The following FMNL2 variants were observed in gnomAD, a reference collection of about 807,000 sequenced individuals.
The protein encoded by FMNL2 is formin like 2.
A neutral mutation model predicts 130.2 loss-of-function variants in FMNL2; 51 were observed. The ratio of observed to expected loss-of-function variants is 0.39; its 90% CI spans 0.31 to 0.49. The LOEUF (loss-of-function observed/expected upper bound fraction) is 0.49, where lower values mean the gene tolerates loss of function less well. Among genes scored for constraint, FMNL2 ranks in the 20% least tolerant of loss-of-function variants. The pLI is 0.85. For synonymous variants in FMNL2, 465 were observed against 467.1 expected (o/e 1.00, Z 0.06); for missense variants, 977 against 1,316.2 (o/e 0.74, Z 3.99).
At chr2:152,459,076 C>A (rs1226755993) in intron 1 of FMNL2, among the ~76,000 whole-genome samples, 1 of 152,112 alleles carries the variant, frequency 6.6e-6, no homozygotes, top group East Asian at 1.9e-4. Flanking sequence ...ATCACCAAAC[C>A]TCTAGATTTT....
Position 152,511,987 on chromosome 2 carries a change from A to G in FMNL2, c.118-9956A>G, listed in dbSNP as rs562873130. On this transcript the variant is annotated intron_variant, in intron 1 of 25. Coordinates refer to ENST00000288670, the MANE Select transcript of FMNL2 (RefSeq NM_052905.4). ...ACATAGAAAGTTGACATTCAACAGC[A>G]GAATAAGAACACTTTCTCTGGATTT... Among the ~76,000 whole-genome samples the G allele has an allele frequency of 3.9e-4, 59 of 152,342 alleles. No individual in the cohort carries two copies. The South Asian group carries it at 6.4e-3, about 17-fold the overall frequency.
chr2:152,637,647 C>G lies in FMNL2; in HGVS notation c.2919C>G (p.Val973=). 2 of 1,613,964 alleles carry G rather than the reference C, an allele frequency of 1.2e-6. No homozygotes were observed. The highest frequency in any genetic ancestry group is 8.5e-7 in the Non-Finnish European group (1 of 1,179,852). ...KTTPPSVFFP[V]FVRFVKAYKQ... ...CACCACCCTCTGTCTTCTTTCCTGT[C>G]TTTGTCCGGTTTGTGAAAGCATATA... The change falls in exon 23 of 26, where the codon GTC becomes GTG. Residue 973 remains valine (V), a synonymous_variant. Transcript: ENST00000288670.
chr2:152,385,163 C>A (rs1466108201), intron 1 of FMNL2, among the ~76,000 whole-genome samples: 1 of 152,176 alleles, frequency 6.6e-6, no homozygotes, highest in African/African-American at 2.4e-5. Flanking sequence ...TTAACAGTGA[C>A]CCTTGAACCA....
intron 1 of FMNL2, among the ~76,000 whole-genome samples, chr2:152,367,200 C>G (rs1213165234): frequency 6.6e-6 from 1 of 151,486 alleles, no homozygotes; most frequent in African/African-American, 2.4e-5. Context: ...CTTAGCCTCT[C>G]GAGTAGCTGG....
rs1316071392 is a variant in FMNL2 at position 152,648,573 on chromosome 2, T to C, written c.*668T>C. 3 of 152,686 alleles carry C rather than the reference T, an allele frequency of 2.0e-5. No individual in the cohort carries two copies. The highest frequency in any genetic ancestry group is 4.4e-5 in the Non-Finnish European group (3 of 68,006). 9.5% of individuals were successfully genotyped at this position (152,686 alleles called of 1,614,324 possible). A position where few individuals can be genotyped will look rare whatever the true frequency, so the allele number is the denominator to read the frequency against. On this transcript the variant is annotated 3_prime_UTR_variant, in exon 26 of 26. Transcript: ENST00000288670. ...ATAAGACTTATTTGCAGTACTGTGT[T>C]CTTCAGCTAGAGGCAGCTTTTTAAA...
At chr2:152,462,249 A>G (rs1689291848) in intron 1 of FMNL2, among the ~76,000 whole-genome samples, 1 of 152,210 alleles carries the variant, frequency 6.6e-6, no homozygotes, top group Admixed American at 6.6e-5. Context: ...GTGAGTAGCT[A>G]CATAGGGCTA....
At chr2:152,605,636 CTT>C (rs200547157) in intron 9 of FMNL2, among the ~76,000 whole-genome samples, 1,856 of 152,230 alleles carry the variant, frequency 0.012, 44 homozygotes, top group African/African-American at 0.041. Context: ...ATTTTAAAGA[CTT>C]TACTTTAGAC....
chr2:152,381,963 T>C (rs922022666), intron 1 of FMNL2, among the ~76,000 whole-genome samples: 8 of 152,054 alleles, frequency 5.3e-5, no homozygotes, highest in Non-Finnish European at 7.4e-5. Context: ...CACACCCAGC[T>C]AATTTTTGTA....
At chr2:152,492,080 A>T (rs1691243482) in intron 1 of FMNL2, among the ~76,000 whole-genome samples, 3 of 152,242 alleles carry the variant, frequency 2.0e-5, no homozygotes, top group African/African-American at 7.2e-5. Flanking sequence ...TACTGGCATG[A>T]ACACAGCATT....
intron 9 of FMNL2, among the ~76,000 whole-genome samples, chr2:152,597,941 A>G (rs1285889202): frequency 6.6e-6 from 1 of 152,256 alleles, no homozygotes; most frequent in African/African-American, 2.4e-5. Context: ...TTGGGAAATG[A>G]GAGAAGCGAG....
At chr2:152,489,180 C>G (rs1449686753) in intron 1 of FMNL2, among the ~76,000 whole-genome samples, 1 of 150,850 alleles carries the variant, frequency 6.6e-6, no homozygotes, top group South Asian at 2.1e-4. Flanking sequence ...AGAAGTGTTC[C>G]CTACAGTGGG....
chr2:152,368,339 C>A (rs1163198760), intron 1 of FMNL2, among the ~76,000 whole-genome samples: 1 of 151,976 alleles, frequency 6.6e-6, no homozygotes, highest in South Asian at 2.1e-4. Context: ...TTTTAAAAAA[C>A]GTCATTTCTG....
chr2:152,623,926 T>C (rs2105910666), intron 15 of FMNL2, among the ~76,000 whole-genome samples: 1 of 151,694 alleles, frequency 6.6e-6, no homozygotes, highest in Admixed American at 6.6e-5. Context: ...TTTTAATGAG[T>C]GTGTAGATAC....
chr2:152,635,466 T>G (rs1682515134), intron 21 of FMNL2, among the ~76,000 whole-genome samples: 1 of 152,214 alleles, frequency 6.6e-6, no homozygotes, highest in Admixed American at 6.5e-5. Context: ...ATTTCCGTAG[T>G]CTAAAATAAA....
At chr2:152,481,651 A>G (rs1316570825) in intron 1 of FMNL2, among the ~76,000 whole-genome samples, 1 of 152,212 alleles carries the variant, frequency 6.6e-6, no homozygotes, top group Non-Finnish European at 1.5e-5. Flanking sequence ...GCGTTTTTGT[A>G]AACTTTATTA....
At chr2:152,373,666 T>C (rs1238663004) in intron 1 of FMNL2, among the ~76,000 whole-genome samples, 1 of 152,238 alleles carries the variant, frequency 6.6e-6, no homozygotes, top group Non-Finnish European at 1.5e-5. Flanking sequence ...TTCAACGTAG[T>C]ACTTGGCATG....
chr2:152,517,248 C>G (rs962308155), intron 1 of FMNL2, among the ~76,000 whole-genome samples: 2 of 152,058 alleles, frequency 1.3e-5, no homozygotes, highest in Non-Finnish European at 2.9e-5. Context: ...AACTGAAATA[C>G]TGTTCAGTGT....
In FMNL2 at chr2:152,570,058, T is replaced by A. The variant is rs138276018; in HGVS notation, c.597-5078T>A. ...TATTTGCAAAAATCGCTTAGTTTTT[T>A]AAAGTCTATCACTCATACTAGCATT... On this transcript the variant is annotated intron_variant, in intron 6 of 25. Transcript: ENST00000288670. Among the ~76,000 whole-genome samples, 1,047 of 152,256 alleles carry A rather than the reference T, an allele frequency of 6.9e-3. 12 individuals carry two copies. The highest frequency in any genetic ancestry group is 0.024 in the African/African-American group (1,007 of 41,550).
intron 1 of FMNL2, among the ~76,000 whole-genome samples, chr2:152,399,080 G>A (rs1197185854): frequency 6.6e-6 from 1 of 152,214 alleles, no homozygotes; most frequent in African/African-American, 2.4e-5. Context: ...GCTTTCTGAA[G>A]AATACTGGAT....
Sources: allele counts gnomAD v4.1 joint callset (sites outside exome capture counted in the v4.1 genomes callset), GRCh38; gene constraint gnomAD v4.1.1; transcripts MANE v1.5; gene names NCBI Gene and HGNC (gene_info 2026-07-23, HGNC 2026-07-21).